Variants in NBAS observed in about 807,000 individuals in gnomAD.
The protein encoded by NBAS is NBAS subunit of NRZ tethering complex.
A neutral mutation model predicts 302.5 loss-of-function variants in NBAS; 219 were observed. The observed-to-expected ratio is 0.72, with a 90% CI of 0.65 to 0.81. NBAS has a LOEUF of 0.81. NBAS is among the 30% of genes least tolerant of loss of function. The probability of loss-of-function intolerance (pLI) is 0.00; values close to 1 mark genes in which losing one functional copy is unlikely to be tolerated. For missense variants in NBAS, 2,932 were observed against 2,841.6 expected (o/e 1.03, Z -0.72); for synonymous variants, 1,118 against 1,021.6 (o/e 1.09, Z -1.80).
chr2:14,944,856 A>AT, the NBAS span, among the ~76,000 whole-genome samples: 2 of 152,088 alleles, frequency 1.3e-5, no homozygotes, highest in Non-Finnish European at 2.9e-5. Flanking sequence ...CACAGTTTCT[A>AT]TACCGGAAAT....
At chr2:15,440,714 C>T (rs890274927) in intron 21 of NBAS, among the ~76,000 whole-genome samples, 3 of 152,046 alleles carry the variant, frequency 2.0e-5, no homozygotes, top group African/African-American at 7.2e-5. Context: ...CTCCGAGCTA[C>T]AGGAGGAAAT....
chr2:15,299,855 G>T (rs1441572984), intron 40 of NBAS, among the ~76,000 whole-genome samples: 1 of 152,148 alleles, frequency 6.6e-6, no homozygotes. Context: ...TCTCTGGATG[G>T]ATACAAATGG....
chr2:15,523,620 T>C (rs938335589), intron 9 of NBAS, among the ~76,000 whole-genome samples: 12 of 152,120 alleles, frequency 7.9e-5, no homozygotes, highest in African/African-American at 2.9e-4. Context: ...AAAAATAAAT[T>C]GTATTTCTAT....
In NBAS at chr2:15,543,454, G is replaced by A. The variant is rs550405482; in HGVS notation, c.380-4098C>T. ...TCTTACGCCAAATAATCATACATTT[G>A]TTTGTTATATCAGTCCGTTTTCATG... On this transcript the variant is annotated intron_variant, in intron 6 of 51. Coordinates refer to ENST00000281513, the MANE Select transcript of NBAS (RefSeq NM_015909.4). Among the ~76,000 whole-genome samples the A allele has an allele frequency of 5.3e-5, 8 of 152,244 alleles. No homozygotes were observed. In the East Asian group the frequency reaches 1.5e-3, roughly 29 times the overall value.
chr2:15,248,438 C>T (rs1304262036), intron 44 of NBAS, among the ~76,000 whole-genome samples: 1 of 151,900 alleles, frequency 6.6e-6, no homozygotes, highest in Non-Finnish European at 1.5e-5. Context: ...TAGCAGAAGG[C>T]AAGAAATAAC....
chr2:15,446,626 G>T (rs150867679), intron 21 of NBAS, among the ~76,000 whole-genome samples: 1,938 of 152,172 alleles, frequency 0.013, 32 homozygotes, highest in East Asian at 0.059. Flanking sequence ...TGGTAAATAT[G>T]TGTGTAAAAA....
chr2:15,441,852 C>T (rs1200440805), intron 21 of NBAS, among the ~76,000 whole-genome samples: 3 of 151,734 alleles, frequency 2.0e-5, no homozygotes, highest in African/African-American at 7.3e-5. Flanking sequence ...GCAGGGGTTG[C>T]AATGCTAGTC....
intron 35 of NBAS, among the ~76,000 whole-genome samples, chr2:15,338,939 G>A (rs572545020): frequency 1.4e-4 from 21 of 152,114 alleles, no homozygotes; most frequent in South Asian, 1.2e-3. Context: ...CTTAAGCCCC[G>A]GAGTTCAATG....
intron 28 of NBAS, 76 bp from the exon 29 acceptor site, chr2:15,383,393 T>C (rs1675139730): frequency 1.8e-5 from 25 of 1,387,478 alleles, no homozygotes; most frequent in Non-Finnish European, 2.6e-5. Context: ...TGATCTAAAG[T>C]TAAAAAAACA....
At chr2:14,935,572 T>C in the NBAS span, among the ~76,000 whole-genome samples, 4 of 150,620 alleles carry the variant, frequency 2.7e-5, no homozygotes, top group Admixed American at 2.6e-4. Flanking sequence ...GGACTCATTA[T>C]GGATCCTGTT....
chr2:15,147,360 G>T, the NBAS span, among the ~76,000 whole-genome samples: 2 of 152,096 alleles, frequency 1.3e-5, no homozygotes, highest in African/African-American at 4.8e-5. Flanking sequence ...TTGGGAGGCT[G>T]AAGCGGGTGG....
chr2:14,837,911 A>C, the NBAS span, among the ~76,000 whole-genome samples: 1 of 151,870 alleles, frequency 6.6e-6, no homozygotes, highest in Non-Finnish European at 1.5e-5. Flanking sequence ...CCTACTGGAA[A>C]ATCATTTGCT....
chr2:15,281,187 G>A (rs1416516109), intron 42 of NBAS, among the ~76,000 whole-genome samples: 1 of 152,176 alleles, frequency 6.6e-6, no homozygotes, highest in Non-Finnish European at 1.5e-5. Context: ...AAGGCCATAT[G>A]AATAGGCTTT....
intron 47 of NBAS, among the ~76,000 whole-genome samples, chr2:15,219,662 A>T (rs1396931532): frequency 1.4e-5 from 2 of 138,464 alleles, no homozygotes; most frequent in Non-Finnish European, 3.1e-5. Flanking sequence ...GATCAACAGG[A>T]TCCCAAGGCA....
At chr2:14,796,279 T>A in the NBAS span, among the ~76,000 whole-genome samples, 1 of 152,128 alleles carries the variant, frequency 6.6e-6, no homozygotes, top group Non-Finnish European at 1.5e-5. Context: ...TAGGGAAGGT[T>A]CTACAACTTC....
At chr2:15,075,483 C>T in the NBAS span, among the ~76,000 whole-genome samples, 4 of 152,146 alleles carry the variant, frequency 2.6e-5, no homozygotes, top group East Asian at 5.8e-4. Context: ...TGGCTGTGTG[C>T]CCCCAACCAA....
At chr2:15,049,224 C>G in the NBAS span, among the ~76,000 whole-genome samples, 1 of 152,226 alleles carries the variant, frequency 6.6e-6, no homozygotes. Flanking sequence ...GCCAGTCACC[C>G]GCCTGCCAAG....
At chr2:14,822,236 T>C in the NBAS span, among the ~76,000 whole-genome samples, 1 of 152,204 alleles carries the variant, frequency 6.6e-6, no homozygotes, top group Non-Finnish European at 1.5e-5. Context: ...TTCTTGTTTT[T>C]ACTATTGCCA....
chr2:15,559,858 G>A (rs961700663), intron 1 of NBAS, among the ~76,000 whole-genome samples: 1 of 152,204 alleles, frequency 6.6e-6, no homozygotes, highest in African/African-American at 2.4e-5. Flanking sequence ...GTGTTAAGGA[G>A]TGGAAACTTA....
Sources: gnomAD v4.1 joint callset for allele counts (sites outside exome capture counted in the v4.1 genomes callset) on GRCh38, gnomAD v4.1.1 for gene constraint, MANE v1.5 for transcripts, NCBI Gene and HGNC (gene_info 2026-07-23, HGNC 2026-07-21) for gene names.